Variants in COL23A1 observed in about 807,000 individuals in gnomAD.
The protein encoded by COL23A1 is collagen type XXIII alpha 1 chain, also known as collagen alpha-1(XXIII) chain.
A neutral mutation model predicts 99.3 loss-of-function variants in COL23A1; 97 were observed. That is an observed-to-expected ratio of 0.98 (90% confidence interval 0.83 to 1.16). The LOEUF is 1.16. Among genes scored for constraint, COL23A1 ranks in the 50% most tolerant of loss-of-function variants. The pLI, the probability that COL23A1 is intolerant of heterozygous loss-of-function variation, is 0.00. For synonymous variants in COL23A1, 320 were observed against 308.2 expected (o/e 1.04, Z -0.40); for missense variants, 762 against 757.4 (o/e 1.01, Z -0.07).
intron 2 of COL23A1, among the ~76,000 whole-genome samples, chr5:178,529,189 G>T (rs1313241810): frequency 6.6e-6 from 1 of 152,242 alleles, no homozygotes; most frequent in African/African-American, 2.4e-5. Flanking sequence ...CTAGCCCTGG[G>T]CTTCTTTACG....
chr5:178,574,875 A>G (rs534367942), intron 1 of COL23A1, among the ~76,000 whole-genome samples: 75 of 152,202 alleles, frequency 4.9e-4, no homozygotes, highest in Non-Finnish European at 8.5e-4. Context: ...CTCCTGCTCA[A>G]TAGGAATCCA....
At chr5:178,277,064 C>T (rs766799155) in intron 5 of COL23A1, among the ~76,000 whole-genome samples, 44 of 152,140 alleles carry the variant, frequency 2.9e-4, no homozygotes, top group Admixed American at 2.7e-3. Flanking sequence ...TTATTTGATC[C>T]GTGCAGTTAA....
chr5:178,505,817 C>A (rs565807411), intron 2 of COL23A1, among the ~76,000 whole-genome samples: 16 of 152,250 alleles, frequency 1.1e-4, no homozygotes, highest in South Asian at 2.1e-4. Flanking sequence ...CCCAGAGCCA[C>A]GGACAGGGTG....
chr5:178,585,882 C>T (rs1449593599), intron 1 of COL23A1, among the ~76,000 whole-genome samples: 1 of 152,216 alleles, frequency 6.6e-6, no homozygotes, highest in Non-Finnish European at 1.5e-5. Context: ...TCGCATTACC[C>T]TTGCCAGTGA....
chr5:178,431,070 T>A (rs189584014), intron 2 of COL23A1, among the ~76,000 whole-genome samples: 29 of 152,146 alleles, frequency 1.9e-4, no homozygotes, highest in African/African-American at 7.0e-4. Flanking sequence ...CCCCAGGCAG[T>A]AAGTGCGGTG....
At chr5:178,442,115 C>G (rs1307438912) in intron 2 of COL23A1, among the ~76,000 whole-genome samples, 1 of 151,970 alleles carries the variant, frequency 6.6e-6, no homozygotes, top group Non-Finnish European at 1.5e-5. Context: ...AGACCCCGAG[C>G]CTGGCCCCTG....
At chr5:178,259,606 T>A (rs1403395707) in intron 12 of COL23A1, 115 bp downstream of exon 12, 1 of 1,045,072 alleles carries the variant, frequency 9.6e-7, no homozygotes, top group Non-Finnish European at 1.4e-6. Flanking sequence ...TCCCTGTGGG[T>A]TGGCTCCCAG....
At chr5:178,379,190 T>TA (rs201326226) in intron 2 of COL23A1, among the ~76,000 whole-genome samples, 16 of 151,120 alleles carry the variant, frequency 1.1e-4, no homozygotes, top group East Asian at 1.9e-4. Context: ...ATGAGACAAT[T>TA]AAAAAAAACA....
At chr5:178,463,082 C>T (rs1426496953) in intron 2 of COL23A1, among the ~76,000 whole-genome samples, 4 of 152,222 alleles carry the variant, frequency 2.6e-5, no homozygotes, top group South Asian at 4.1e-4. Flanking sequence ...CACGCCTCAC[C>T]GCGCAGCGAC....
At chr5:178,563,117 C>T (rs1287948222) in intron 1 of COL23A1, among the ~76,000 whole-genome samples, 1 of 152,200 alleles carries the variant, frequency 6.6e-6, no homozygotes, top group Non-Finnish European at 1.5e-5. Flanking sequence ...CTCACTCCTC[C>T]ATCATCACTG....
At chr5:178,528,083 A>G (rs559870906) in intron 2 of COL23A1, among the ~76,000 whole-genome samples, 1 of 152,238 alleles carries the variant, frequency 6.6e-6, no homozygotes, top group South Asian at 2.1e-4. Context: ...TGCACCTCAG[A>G]TGCGGTTCCT....
At chr5:178,364,979 G>A (rs1268161814) in intron 2 of COL23A1, among the ~76,000 whole-genome samples, 18 of 152,100 alleles carry the variant, frequency 1.2e-4, no homozygotes, top group Non-Finnish European at 2.1e-4. Flanking sequence ...CACAACCCTC[G>A]CCAATACAGC....
chr5:178,392,331 C>T (rs559376841), intron 2 of COL23A1, among the ~76,000 whole-genome samples: 11 of 152,242 alleles, frequency 7.2e-5, no homozygotes, highest in African/African-American at 1.2e-4. Flanking sequence ...TGGGTGTCCT[C>T]GGAGCACACT....
intron 2 of COL23A1, among the ~76,000 whole-genome samples, chr5:178,398,701 T>G (rs1157036586): frequency 6.6e-6 from 1 of 152,262 alleles, no homozygotes; most frequent in Non-Finnish European, 1.5e-5. Context: ...TTTACAATTT[T>G]CGGTTTCTAT....
At chr5:178,303,530 T>G (rs1758182889) in intron 3 of COL23A1, among the ~76,000 whole-genome samples, 1 of 152,192 alleles carries the variant, frequency 6.6e-6, no homozygotes, top group Non-Finnish European at 1.5e-5. Flanking sequence ...ATTCCAGAAG[T>G]GCTTCTTCCA....
chr5:178,450,713 C>T (rs1364679637), intron 2 of COL23A1, among the ~76,000 whole-genome samples: 1 of 152,200 alleles, frequency 6.6e-6, no homozygotes, highest in African/African-American at 2.4e-5. Context: ...GAATATCAAA[C>T]TCGTGCCATG....
At chr5:178,283,652 A>G (rs1019547643) in intron 5 of COL23A1, among the ~76,000 whole-genome samples, 1 of 152,226 alleles carries the variant, frequency 6.6e-6, no homozygotes, top group Non-Finnish European at 1.5e-5. Context: ...AAGAGTTAAG[A>G]CAATCAAACT....
At chr5:178,258,097 A>C (rs1374035421) in intron 12 of COL23A1, among the ~76,000 whole-genome samples, 1 of 151,658 alleles carries the variant, frequency 6.6e-6, no homozygotes, top group Non-Finnish European at 1.5e-5. Context: ...GAAAATAAAA[A>C]ATTAGCCGGG....
intron 2 of COL23A1, among the ~76,000 whole-genome samples, chr5:178,460,013 T>C (rs1445499907): frequency 6.6e-6 from 1 of 152,182 alleles, no homozygotes; most frequent in Non-Finnish European, 1.5e-5. Context: ...TCTCCTTCTT[T>C]ATATTTTCTG....
Sources: gnomAD v4.1 joint callset for allele counts (sites outside exome capture counted in the v4.1 genomes callset) on GRCh38, gnomAD v4.1.1 for gene constraint, MANE v1.5 for transcripts, NCBI Gene and HGNC (gene_info 2026-07-23, HGNC 2026-07-21) for gene names.